Variants in SYNDIG1 observed in about 807,000 individuals in gnomAD.
SYNDIG1 encodes synapse differentiation inducing 1.
Under a neutral mutation model 19.4 loss-of-function variants are expected in SYNDIG1, and 9 were observed. The observed-to-expected ratio is 0.46, with a 90% CI of 0.28 to 0.81. SYNDIG1 has a LOEUF of 0.81. Ranked by LOEUF, SYNDIG1 falls within the 30% of genes least tolerant of loss-of-function variation. The probability of loss-of-function intolerance (pLI) is 0.12; values close to 1 mark genes in which losing one functional copy is unlikely to be tolerated. For synonymous variants in SYNDIG1, 141 were observed against 145.9 expected (o/e 0.97, Z 0.24); for missense variants, 311 against 343.3 (o/e 0.91, Z 0.74).
intron 1 of SYNDIG1, among the ~76,000 whole-genome samples, chr20:24,537,705 T>C (rs1332530964): frequency 6.6e-6 from 1 of 152,136 alleles, no homozygotes; most frequent in Non-Finnish European, 1.5e-5. Context: ...CCACATCCCA[T>C]GAGACAGAGA....
At chr20:24,570,245 A>C (rs557832386) in intron 2 of SYNDIG1, among the ~76,000 whole-genome samples, 1 of 152,370 alleles carries the variant, frequency 6.6e-6, no homozygotes, top group East Asian at 1.9e-4. Context: ...GGTAAGGTGA[A>C]GAGTTCTTAG....
At chr20:24,627,902 C>G (rs2059176780) in intron 3 of SYNDIG1, among the ~76,000 whole-genome samples, 1 of 152,228 alleles carries the variant, frequency 6.6e-6, no homozygotes, top group Non-Finnish European at 1.5e-5. Context: ...CGGAGATCCT[C>G]GGGCCGGAGA....
intron 1 of SYNDIG1, among the ~76,000 whole-genome samples, chr20:24,528,784 A>G (rs927276056): frequency 1.2e-4 from 19 of 152,118 alleles, no homozygotes; most frequent in African/African-American, 4.3e-4. Flanking sequence ...TTGAATCCCA[A>G]ACTCAGGTTG....
At chr20:24,521,899 CAAA>C (rs11484410) in intron 1 of SYNDIG1, among the ~76,000 whole-genome samples, 2 of 136,910 alleles carry the variant, frequency 1.5e-5, no homozygotes, top group Admixed American at 7.5e-5. Flanking sequence ...GACTCCCTCT[CAAA>C]AAAAAAAAAA....
intron 1 of SYNDIG1, among the ~76,000 whole-genome samples, chr20:24,529,236 C>G (rs2057190633): frequency 6.6e-6 from 1 of 152,124 alleles, no homozygotes; most frequent in South Asian, 2.1e-4. Context: ...GGGAGGACAT[C>G]ACTGTTGATG....
At chr20:24,482,354 T>A (rs2055822884) in intron 1 of SYNDIG1, among the ~76,000 whole-genome samples, 1 of 152,022 alleles carries the variant, frequency 6.6e-6, no homozygotes, top group Non-Finnish European at 1.5e-5. Flanking sequence ...CAGGCGTGAG[T>A]CACCACGCCC....
At chr20:24,476,480 T>C (rs900118864) in intron 1 of SYNDIG1, among the ~76,000 whole-genome samples, 2 of 151,980 alleles carry the variant, frequency 1.3e-5, no homozygotes, top group South Asian at 4.2e-4. Context: ...CCATCCTGGT[T>C]AACACGGTGA....
intron 3 of SYNDIG1, among the ~76,000 whole-genome samples, chr20:24,593,447 G>C (rs1231434824): frequency 6.8e-6 from 1 of 146,982 alleles, no homozygotes; most frequent in Non-Finnish European, 1.5e-5. Context: ...GTCTACCATT[G>C]ATAGGCATTT....
rs1316053354 is a variant in SYNDIG1 at position 24,469,718 on chromosome 20, G to T, written c.-114G>T. On this transcript the variant is annotated 5_prime_UTR_variant, in exon 1 of 4. Transcript: ENST00000376862. ...TCGCTCGGGAGAGTCGCGGGCGGCC[G>T]CTTGGGCGCACTTGCCGGGTCACCT... The T allele has an allele frequency of 6.6e-6, 1 of 151,824 alleles. No individual in the cohort carries two copies. The highest frequency in any genetic ancestry group is 2.4e-5 in the African/African-American group (1 of 41,390). The allele number at this position is 151,824 out of a possible 1,614,324, so 9.4% of individuals were successfully genotyped here.
chr20:24,533,047 G>A (rs1001543232), intron 1 of SYNDIG1, among the ~76,000 whole-genome samples: 7 of 152,124 alleles, frequency 4.6e-5, no homozygotes, highest in South Asian at 2.1e-4. Context: ...GAGAGAATCC[G>A]TCTTTTAGGG....
chr20:24,496,731 T>G (rs149259647), intron 1 of SYNDIG1, among the ~76,000 whole-genome samples: 53 of 152,336 alleles, frequency 3.5e-4, no homozygotes, highest in African/African-American at 1.3e-3. Flanking sequence ...CTTTCCCAGA[T>G]CTACAGTAAA....
chr20:24,538,788 A>G (rs1875744516), intron 1 of SYNDIG1, among the ~76,000 whole-genome samples: 1 of 150,910 alleles, frequency 6.6e-6, no homozygotes, highest in Non-Finnish European at 1.5e-5. Context: ...TTTTTTTAAC[A>G]GTAGCCATCC....
intron 3 of SYNDIG1, among the ~76,000 whole-genome samples, chr20:24,638,173 C>G (rs1038202725): frequency 6.6e-6 from 1 of 152,206 alleles, no homozygotes; most frequent in African/African-American, 2.4e-5. Context: ...GCACTGTCAA[C>G]TCATACCAAA....
chr20:24,621,395 C>G (rs1371977539), intron 3 of SYNDIG1, among the ~76,000 whole-genome samples: 1 of 152,208 alleles, frequency 6.6e-6, no homozygotes, highest in African/African-American at 2.4e-5. Flanking sequence ...ATTTGGCATT[C>G]TCTCTTGTTA....
intron 3 of SYNDIG1, among the ~76,000 whole-genome samples, chr20:24,641,843 A>T (rs2059380114): frequency 6.6e-6 from 1 of 152,164 alleles, no homozygotes; most frequent in Non-Finnish European, 1.5e-5. Flanking sequence ...TTTATTTTAG[A>T]ATGGTTTTAG....
At chr20:24,661,505 AGGGAGG>A (rs2059598529) in intron 3 of SYNDIG1, among the ~76,000 whole-genome samples, 1 of 136,702 alleles carries the variant, frequency 7.3e-6, no homozygotes, top group African/African-American at 2.8e-5. Flanking sequence ...GGGAGGGAAG[AGGGAGG>A]AAGGAGGGAG....
chr20:24,619,403 G>C (rs1457941449), intron 3 of SYNDIG1, among the ~76,000 whole-genome samples: 5 of 152,196 alleles, frequency 3.3e-5, no homozygotes, highest in Non-Finnish European at 5.9e-5. Flanking sequence ...CTCTTTAAAT[G>C]TTGCTGTTAT....
At chr20:24,488,461 C>T (rs1397559850) in intron 1 of SYNDIG1, among the ~76,000 whole-genome samples, 4 of 152,226 alleles carry the variant, frequency 2.6e-5, no homozygotes, top group African/African-American at 9.6e-5. Flanking sequence ...GGTGTGCCGA[C>T]AACAATGGTA....
intron 1 of SYNDIG1, among the ~76,000 whole-genome samples, chr20:24,483,254 G>A (rs2055849030): frequency 6.6e-6 from 1 of 152,202 alleles, no homozygotes; most frequent in South Asian, 2.1e-4. Context: ...AGAGAAAGGT[G>A]TGCATGTGTG....
Sources: gnomAD v4.1 joint callset for allele counts (sites outside exome capture counted in the v4.1 genomes callset) on GRCh38, gnomAD v4.1.1 for gene constraint, MANE v1.5 for transcripts, NCBI Gene and HGNC (gene_info 2026-07-23, HGNC 2026-07-21) for gene names.